The following CTNNA2 variants were observed in gnomAD, a reference collection of about 807,000 sequenced individuals.
The protein encoded by CTNNA2 is catenin alpha-2.
Under a neutral mutation model 101.0 loss-of-function variants are expected in CTNNA2, and 42 were observed. The ratio of observed to expected loss-of-function variants is 0.42; its 90% CI spans 0.32 to 0.54. The LOEUF (loss-of-function observed/expected upper bound fraction) is 0.54, where lower values mean the gene tolerates loss of function less well. CTNNA2 is among the 20% of genes least tolerant of loss of function. The pLI is 0.14. For missense variants in CTNNA2, 871 were observed against 1,223.1 expected (o/e 0.71, Z 4.29); for synonymous variants, 450 against 456.4 (o/e 0.99, Z 0.18).
At chr2:80,599,495 T>C (rs1451470984) in intron 15 of CTNNA2, among the ~76,000 whole-genome samples, 2 of 152,192 alleles carry the variant, frequency 1.3e-5, no homozygotes, top group Admixed American at 6.5e-5. Context: ...CAATCTGTTA[T>C]GTAAGCAAAA....
At chr2:80,080,145 A>G (rs942471943) in intron 7 of CTNNA2, among the ~76,000 whole-genome samples, 5 of 152,194 alleles carry the variant, frequency 3.3e-5, no homozygotes, top group Non-Finnish European at 5.9e-5. Context: ...GCATGGCAGC[A>G]TTGTAAAGTG....
chr2:80,335,364 G>A (rs467541), intron 7 of CTNNA2, among the ~76,000 whole-genome samples: 1 of 152,178 alleles, frequency 6.6e-6, no homozygotes, highest in African/African-American at 2.4e-5. Context: ...GGAGAATATA[G>A]TTTGAGGGTA....
At chr2:80,578,355 T>C (rs1451008061) in intron 13 of CTNNA2, among the ~76,000 whole-genome samples, 1 of 152,166 alleles carries the variant, frequency 6.6e-6, no homozygotes, top group Non-Finnish European at 1.5e-5. Flanking sequence ...TACAGCGAAC[T>C]GTTTATTTTA....
chr2:80,593,706 T>A (rs1233904909), intron 15 of CTNNA2, among the ~76,000 whole-genome samples: 1 of 152,178 alleles, frequency 6.6e-6, no homozygotes, highest in African/African-American at 2.4e-5. Context: ...GTATCTCACA[T>A]CAGTTGAGTC....
intron 7 of CTNNA2, among the ~76,000 whole-genome samples, chr2:79,923,225 A>T (rs187818930): frequency 6.6e-6 from 1 of 152,236 alleles, no homozygotes; most frequent in Admixed American, 6.5e-5. Context: ...ATCTAGTTGG[A>T]GACTGTCGAT....
chr2:80,096,147 A>G (rs572283774), intron 7 of CTNNA2, among the ~76,000 whole-genome samples: 1 of 152,158 alleles, frequency 6.6e-6, no homozygotes, highest in East Asian at 1.9e-4. Flanking sequence ...ATTTAGTGCT[A>G]TAAATTTCCC....
intron 7 of CTNNA2, among the ~76,000 whole-genome samples, chr2:80,267,043 A>G (rs1673053776): frequency 6.6e-6 from 1 of 152,138 alleles, no homozygotes; most frequent in South Asian, 2.1e-4. Flanking sequence ...TCAAGGAAGA[A>G]CCCCAGCTGA....
chr2:80,572,339 C>T (rs61007464), intron 12 of CTNNA2, among the ~76,000 whole-genome samples: 1,902 of 152,026 alleles, frequency 0.013, 48 homozygotes, highest in African/African-American at 0.04. Context: ...AATATTTTTC[C>T]GTATTGATTT....
chr2:79,205,734 T>A (rs1674092421), intron 2 of CTNNA2, among the ~76,000 whole-genome samples: 3 of 152,178 alleles, frequency 2.0e-5, no homozygotes. Flanking sequence ...GTGAAGCTTC[T>A]AGTGGGAAAG....
rs138634346 is a variant in CTNNA2, at chr2:79,705,117, G to A, written c.103-39270G>A. ...GATGCTACTAAACATCCTATCATGC[G>A]CTGGACGGTTCCACTCCCTGCTCCC... is the stretch of plus-strand genomic sequence containing the variant. On this transcript the variant is annotated intron_variant, in intron 2 of 18. Coordinates refer to ENST00000402739, the MANE Select transcript of CTNNA2 (RefSeq NM_001282597.3). Among the ~76,000 whole-genome samples the A allele has an allele frequency of 5.3e-5, 8 of 152,166 alleles. No homozygotes were observed. The East Asian group carries it at 1.6e-3, about 30-fold the overall frequency.
At position 79,639,599 on chromosome 2, in the gene CTNNA2, A is replaced by G. The variant is rs189024283; in HGVS notation, c.-5-11953A>G. ...TTTTTTCGTTTAAAATTGGTTGTCT[A>G]ACTTTTAAGTAAAGATATCTTAATA... On this transcript the variant is annotated intron_variant, in intron 1 of 18. Transcript: ENST00000402739. Among the ~76,000 whole-genome samples, 130 of 152,228 alleles carry G rather than the reference A, an allele frequency of 8.5e-4. 1 individual carries two copies. The highest frequency in any genetic ancestry group is 1.2e-3 in the Non-Finnish European group (85 of 68,006).
intron 9 of CTNNA2, among the ~76,000 whole-genome samples, chr2:80,500,973 A>G (rs1006645844): frequency 6.6e-6 from 1 of 152,170 alleles, no homozygotes. Context: ...GTGAATGTCT[A>G]TATACTTGGT....
intron 9 of CTNNA2, among the ~76,000 whole-genome samples, chr2:80,433,104 C>G (rs959687426): frequency 1.3e-5 from 2 of 152,112 alleles, no homozygotes; most frequent in Non-Finnish European, 2.9e-5. Flanking sequence ...GTTTTCATCC[C>G]CACAATCAAG....
At chr2:80,107,850 G>C (rs1700987136) in intron 7 of CTNNA2, among the ~76,000 whole-genome samples, 1 of 152,188 alleles carries the variant, frequency 6.6e-6, no homozygotes, top group Admixed American at 6.5e-5. Context: ...GCCTGCTCCT[G>C]CTGGAGTCCA....
chr2:79,189,088 C>G (rs1408507261), intron 1 of CTNNA2, among the ~76,000 whole-genome samples: 1 of 152,134 alleles, frequency 6.6e-6, no homozygotes, highest in African/African-American at 2.4e-5. Context: ...CTGAGAAACT[C>G]AAGCATCAAG....
At chr2:79,847,418 C>T (rs548612840) in intron 3 of CTNNA2, among the ~76,000 whole-genome samples, 2 of 151,722 alleles carry the variant, frequency 1.3e-5, no homozygotes, top group Non-Finnish European at 2.9e-5. Context: ...TGGCATGTGC[C>T]TATAATCCCA....
At chr2:79,712,262 A>G (rs1013490581) in intron 2 of CTNNA2, among the ~76,000 whole-genome samples, 1 of 152,202 alleles carries the variant, frequency 6.6e-6, no homozygotes, top group African/African-American at 2.4e-5. Flanking sequence ...ATTTATGTTC[A>G]GCTCCTACCA....
chr2:79,465,931 A>T (rs530976040), intron 4 of CTNNA2, among the ~76,000 whole-genome samples: 2 of 152,330 alleles, frequency 1.3e-5, no homozygotes, highest in African/African-American at 4.8e-5. Flanking sequence ...AAATAGGAAC[A>T]GCTCCAGTCT....
intron 2 of CTNNA2, among the ~76,000 whole-genome samples, chr2:79,721,795 G>C (rs11689331): frequency 6.6e-6 from 1 of 152,028 alleles, no homozygotes; most frequent in Admixed American, 6.6e-5. Context: ...TTAGAAAAGT[G>C]TACTGCCACC....
Sources: allele counts gnomAD v4.1 joint callset (sites outside exome capture counted in the v4.1 genomes callset), GRCh38; gene constraint gnomAD v4.1.1; transcripts MANE v1.5; gene names NCBI Gene and HGNC (gene_info 2026-07-23, HGNC 2026-07-21).